PLEC: variants seen among roughly 807,000 people sequenced by gnomAD.
PLEC encodes the protein hemidesmosomal protein 1.
A neutral mutation model predicts 392.8 loss-of-function variants in PLEC; 216 were observed. The ratio of observed to expected loss-of-function variants is 0.55; its 90% CI spans 0.49 to 0.62. PLEC has a LOEUF of 0.62. Ranked by LOEUF, PLEC falls within the 20% of genes least tolerant of loss-of-function variation. PLEC has a pLI of 0.00. For missense variants in PLEC, 6,863 were observed against 6,563.4 expected (o/e 1.05, Z -1.58); for synonymous variants, 3,621 against 2,980.6 (o/e 1.21, Z -7.00).
upstream of PLEC, chr8:143,939,598 A>G (rs1025572895): frequency 1.7e-5 from 26 of 1,491,694 alleles, no homozygotes; most frequent in Non-Finnish European, 3.6e-6. Context: ...TCAGAGCCCC[A>G]GTCGGTGCGG....
At chr8:143,926,059 C>T (rs1030775654) in intron 30 of PLEC, among the ~76,000 whole-genome samples, 175 bp from the exon 31 acceptor site, 10 of 152,246 alleles carry the variant, frequency 6.6e-5, no homozygotes, top group African/African-American at 9.6e-5. Context: ...GCTCGGGCAG[C>T]GATCGCAGCC....
chr8:143,968,283 T>A (rs1359053903), intron 1 of PLEC, among the ~76,000 whole-genome samples: 3 of 151,576 alleles, frequency 2.0e-5, no homozygotes, highest in African/African-American at 7.3e-5. Context: ...AAAATTAAAA[T>A]GTACGTGCTT....
At position 143,923,475 on chromosome 8, in the gene PLEC, C is replaced by T; in HGVS notation, c.6454G>A (p.Ala2152Thr). The part of the protein sequence containing the change: ...AEQEAARRAQ[A>T]EQAALRQKQA... ...TTCTGCCGCAGGGCCGCCTGCTCCG[C>T]CTGTGCCCGCCGCGCCGCCTCTTGC... The change falls in exon 31 of 32, where the codon GCG becomes ACG. Residue 2152 changes from alanine (A) to threonine (T), a missense_variant. Ala to Thr is a moderately conservative substitution (Grantham distance 58). Transcript: ENST00000345136. The T allele has an allele frequency of 6.2e-7, 1 of 1,601,726 alleles. No homozygotes were observed. The highest frequency in any genetic ancestry group is 8.5e-7 in the Non-Finnish European group (1 of 1,175,710).
chr8:143,925,776 G>C lies in PLEC; in HGVS notation c.4153C>G (p.Gln1385Glu). 6.3e-7 allele frequency: 1 copy of C among 1,589,066 alleles called. No homozygotes were observed. Among genetic ancestry groups the C allele is most frequent in the Non-Finnish European group, 8.5e-7 (1 of 1,174,962 alleles). ...AGCTCCTTCGCCTCCCGCTCCGCCTGTGCCTTTGCCTGGGCGTGCGCCTCG... is the reference window on the plus strand; with the variant it reads ...AGCTCCTTCGCCTCCCGCTCCGCCTCTGCCTTTGCCTGGGCGTGCGCCTCG... ...LAEAHAQAKA[Q>E]AEREAKELQQ... Residue 1385 changes from glutamine (Q) to glutamate (E), a missense_variant, in exon 31 of 32, where the codon CAG (glutamine) becomes GAG (glutamate). Physicochemically the swap from Gln to Glu is conservative, Grantham distance 29 (BLOSUM62 2). Coordinates refer to ENST00000345136, the MANE Select transcript of PLEC (RefSeq NM_201384.3).
chr8:143,916,121 C>A lies in PLEC; in HGVS notation c.*56G>T. On this transcript the variant is annotated 3_prime_UTR_variant, in exon 32 of 32. Transcript: ENST00000345136. The stretch of plus-strand genomic sequence containing the variant: ...CTTTAAGCGTTGAAAACGGCCCCCG[C>A]GCCTCGGTGGGAGCCGGGCTGGGCC... The A allele has an allele frequency of 7.3e-7, 1 of 1,376,428 alleles. No homozygotes were observed. Among genetic ancestry groups the A allele is most frequent in the South Asian group, 1.5e-5 (1 of 68,696 alleles). The allele number at this position is 1,376,428 out of a possible 1,614,324, so 85.3% of individuals were successfully genotyped here.
At position 143,916,707 on chromosome 8, in the gene PLEC, G is replaced by C; in HGVS notation, c.13114C>G (p.Gln4372Glu). 6.2e-7 allele frequency: 1 copy of C among 1,612,820 alleles called. No homozygotes were observed. The highest frequency in any genetic ancestry group is 8.5e-7 in the Non-Finnish European group (1 of 1,179,890). Residue 4372 changes from glutamine to glutamate, a missense_variant, in exon 32 of 32, where the codon CAG becomes GAG. By Grantham distance (29) the Gln-to-Glu change is conservative (BLOSUM62 2). Transcript: ENST00000345136. ...PRTKTKMSAA[Q>E]ALKKGWLYYE... ...TAGAGCCAGCCCTTCTTCAGGGCCTGGGCGGCCGACATCTTGGTCTTGGTG... is the reference window on the plus strand; with the variant it reads ...TAGAGCCAGCCCTTCTTCAGGGCCTCGGCGGCCGACATCTTGGTCTTGGTG...
In PLEC at chr8:143,950,363, T is replaced by G. The variant is rs782236702; in HGVS notation, c.344A>C (p.His115Pro). Residue 115 changes from histidine (H) to proline (P), a missense_variant, in exon 1 of 32, where the codon CAC becomes CCC. Coordinates refer to the PLEC transcript ENST00000322810. ...CAGGGGACCCTGCACAGCCTGCACGTGGGGGGTGCGGCGTGCGGGCATCAC... is the reference window on the plus strand; with the variant it reads ...CAGGGGACCCTGCACAGCCTGCACGGGGGGGGTGCGGCGTGCGGGCATCAC... 8 of 1,589,978 alleles carry G rather than the reference T, an allele frequency of 5.0e-6. No individual in the cohort carries two copies. The African/African-American group carries it at 6.7e-5, about 13-fold the overall frequency.
Position 143,918,442 on chromosome 8 carries a change from A to G in PLEC, c.11379T>C (p.Thr3793=). ...CATCCAGCAGCCGCAGGGCCTCCTC[A>G]GTAGGGATCAGCTCCTTCTTCATGG... ...FQAMKKELIP[T]EEALRLLDAQ... The change falls in exon 32 of 32, where the codon ACT becomes ACC. Residue 3793 remains threonine, a synonymous_variant. Transcript: ENST00000345136. 1 of 1,583,560 alleles carries G rather than the reference A, an allele frequency of 6.3e-7. No homozygotes were observed. The highest frequency in any genetic ancestry group is 8.6e-7 in the Non-Finnish European group (1 of 1,167,244).
exon 1 of PLEC, chr8:143,950,611 C>CCGCCGGTCCTTT (rs781958428): frequency 6.2e-7 from 1 of 1,604,648 alleles, no homozygotes; most frequent in Admixed American, 1.7e-5. Flanking sequence ...AGCTGCGGGG[C>CCGCCGGTCCTTT]CGCCGGTCCT....
Position 143,939,427 on chromosome 8 carries a change from T to A in PLEC, c.35A>T (p.Glu12Val), listed in dbSNP as rs540577935. 8.7e-6 allele frequency: 14 copies of A among 1,612,510 alleles called. 1 individual carries two copies. The South Asian group carries it at 1.5e-4, about 18-fold the overall frequency. The change falls in exon 1 of 32, where the codon GAG (glutamate) becomes GTG (valine). Residue 12 changes from glutamate to valine, a missense_variant. By Grantham distance (121) the Glu-to-Val change is moderately radical. Coordinates refer to ENST00000345136, the MANE Select transcript of PLEC (RefSeq NM_201384.3). ...SQHQLRVPQP[E>V]GLGRKRTSSE... The stretch of plus-strand genomic sequence containing the variant: ...GCTGGTTCTCTTTCGGCCCAGGCCC[T>A]CGGGCTGCGGCACGCGGAGCTGGTG...
intron 19 of PLEC, among the ~76,000 whole-genome samples, chr8:143,931,043 C>A (rs1156411951): frequency 3.3e-5 from 5 of 152,200 alleles, no homozygotes; most frequent in African/African-American, 1.2e-4. Context: ...GAGCACAAAG[C>A]CCAGTTCCAC....
rs1244888941 is a variant in PLEC at position 143,924,760 on chromosome 8, C to G, written c.5169G>C (p.Glu1723Asp). 6.5e-7 allele frequency: 1 copy of G among 1,535,272 alleles called. No homozygotes were observed. Among genetic ancestry groups the G allele is most frequent in the South Asian group, 1.2e-5 (1 of 84,112 alleles). Residue 1723 changes from glutamate (E) to aspartate (D), a missense_variant, in exon 31 of 32, where the codon GAG becomes GAC. By Grantham distance (45) the Glu-to-Asp change is conservative. Coordinates refer to ENST00000345136, the MANE Select transcript of PLEC (RefSeq NM_201384.3). ...GCAGCTGCCGCTGCTGCTCCCCCTG[C>G]TCCGTCTCGGCCCGCAGCCGGATCA... is the stretch of plus-strand genomic sequence containing the variant. Reference protein sequence around the residue: ...QELIRLRAETEQGEQQRQLLE... With the variant: ...QELIRLRAETDQGEQQRQLLE...
intron 19 of PLEC, 145 bp from the exon 20 acceptor site, chr8:143,930,681 A>G (rs1826977588): frequency 2.3e-6 from 2 of 859,884 alleles, no homozygotes; most frequent in Admixed American, 4.7e-5. Context: ...TATAGCTGGG[A>G]CAGGCCCCGG....
upstream of PLEC, among the ~76,000 whole-genome samples, chr8:143,953,258 C>G (rs1300754209): frequency 7.0e-6 from 1 of 143,444 alleles, no homozygotes; most frequent in Non-Finnish European, 1.5e-5. Flanking sequence ...CCCAGCCCCC[C>G]CACCCCACCC....
intron 1 of PLEC, among the ~76,000 whole-genome samples, chr8:143,949,579 A>G (rs1831886947): frequency 6.6e-6 from 1 of 152,132 alleles, no homozygotes; most frequent in Non-Finnish European, 1.5e-5. Context: ...ACACCACACC[A>G]CAGCCTGGCC....
At chr8:143,976,094 TA>T (rs1443601755), upstream of PLEC, among the ~76,000 whole-genome samples, 1 of 152,108 alleles carries the variant, frequency 6.6e-6, no homozygotes, top group East Asian at 1.9e-4. Flanking sequence ...CGAAGGCCTA[TA>T]AATAGCTGCA....
chr8:143,924,526 C>A lies in PLEC; in HGVS notation c.5403G>T (p.Glu1801Asp). Reference sequence around the variant, plus strand: ...CCAGGGCACGCAGGCGGGCGGCCTCCTCGGCCAGCTCGCGGAACCGGCCGG... The same window carrying A: ...CCAGGGCACGCAGGCGGGCGGCCTCATCGGCCAGCTCGCGGAACCGGCCGG... ...AEAGRFRELA[E>D]EAARLRALAE... Residue 1801 changes from glutamate to aspartate, a missense_variant, in exon 31 of 32, where the codon GAG becomes GAT. Glu to Asp is a conservative substitution (Grantham distance 45). Coordinates refer to ENST00000345136, the MANE Select transcript of PLEC (RefSeq NM_201384.3). The A allele has an allele frequency of 6.5e-7, 1 of 1,539,084 alleles. No homozygotes were observed. Among genetic ancestry groups the A allele is most frequent in the Non-Finnish European group, 8.7e-7 (1 of 1,149,032 alleles).
chr8:143,949,749 G>A lies in PLEC; in HGVS notation c.523+435C>T, dbSNP rs782506197. Reference sequence around the variant, plus strand: ...CCAAGCCTCACCCATCAACCCCCGCGGCAAGGGAGGCGGCCAGGCCATGTG... The same window carrying A: ...CCAAGCCTCACCCATCAACCCCCGCAGCAAGGGAGGCGGCCAGGCCATGTG... On this transcript the variant is annotated intron_variant, in intron 1 of 31. Transcript: ENST00000322810. Among the ~76,000 whole-genome samples the A allele has an allele frequency of 1.1e-4, 16 of 152,296 alleles. No individual in the cohort carries two copies. In the Middle Eastern group the frequency reaches 0.01, roughly 97 times the overall value.
chr8:143,922,143 G>A lies in PLEC; in HGVS notation c.7678C>T (p.His2560Tyr), dbSNP rs1823012083. 1.3e-6 allele frequency: 2 copies of A among 1,540,066 alleles called. No individual in the cohort carries two copies. The highest frequency in any genetic ancestry group is 1.7e-6 in the Non-Finnish European group (2 of 1,148,494). ...CGCCGCACGCCCTCCTCGGCCTCAT[G>A]CTGCCGCCGCCGCGCCTCCTCCATG... ...ASMEEARRRQ[H>Y]EAEEGVRRKQ... Residue 2560 changes from histidine to tyrosine, a missense_variant, in exon 32 of 32, where the codon CAT becomes TAT. By Grantham distance (83) the His-to-Tyr change is moderately conservative. Coordinates refer to ENST00000345136, the MANE Select transcript of PLEC (RefSeq NM_201384.3).
Sources: gnomAD v4.1 joint callset for allele counts (sites outside exome capture counted in the v4.1 genomes callset) on GRCh38, gnomAD v4.1.1 for gene constraint, MANE v1.5 for transcripts, NCBI Gene and HGNC (gene_info 2026-07-23, HGNC 2026-07-21) for gene names.